The following TBC1D13 variants were observed in gnomAD, a reference collection of about 807,000 sequenced individuals.
TBC1D13 encodes epididymis secretory sperm binding protein.
In TBC1D13, 40 loss-of-function variants were observed where a neutral mutation model predicts 53.6. That is an observed-to-expected ratio of 0.75 (90% confidence interval 0.58 to 0.97). The LOEUF is 0.97. Ranked by LOEUF, TBC1D13 falls within the 50% of genes least tolerant of loss-of-function variation. The pLI, the probability that TBC1D13 is intolerant of heterozygous loss-of-function variation, is 0.00. For synonymous variants in TBC1D13, 182 were observed against 197.7 expected (o/e 0.92, Z 0.67); for missense variants, 377 against 499.4 (o/e 0.75, Z 2.34).
chr9:128,806,086 C>T, intron 10 of TBC1D13, 67 bp downstream of exon 10: 3 of 1,588,304 alleles, frequency 1.9e-6, no homozygotes, highest in Non-Finnish European at 2.6e-6. Flanking sequence ...ACAGGAGGAC[C>T]CTCCGCCCCG....
chr9:128,807,416 C>G (rs1829855911), intron 11 of TBC1D13, among the ~76,000 whole-genome samples: 1 of 152,140 alleles, frequency 6.6e-6, no homozygotes, highest in Admixed American at 6.5e-5. Flanking sequence ...CTTCATGGAC[C>G]AGATCTGGAA....
rs769884911 is a variant in TBC1D13 at position 128,791,704 on chromosome 9, G to A, written c.300+11G>A. 11 of 1,612,336 alleles carry A rather than the reference G, an allele frequency of 6.8e-6. No individual in the cohort carries two copies. The highest frequency in any genetic ancestry group is 8.5e-6 in the Non-Finnish European group (10 of 1,178,554). The stretch of plus-strand genomic sequence containing the variant: ...ACTTTTGAGGACCATGTGAGTAGAG[G>A]TTGACAGCGGAGACCCAGGATACAG... On this transcript the variant is annotated intron_variant, in intron 5 of 11. Transcript: ENST00000372648.
chr9:128,791,027 T>G (rs1468528717), intron 3 of TBC1D13, among the ~76,000 whole-genome samples: 1 of 152,214 alleles, frequency 6.6e-6, no homozygotes, highest in East Asian at 1.9e-4. Context: ...GTGAAAGTCA[T>G]GCTTATTGGG....
At chr9:128,796,252 ATT>A (rs558315205) in intron 6 of TBC1D13, among the ~76,000 whole-genome samples, 5 of 143,184 alleles carry the variant, frequency 3.5e-5, no homozygotes, top group Non-Finnish European at 4.6e-5. Context: ...CGCCTGGCTA[ATT>A]TTTTTTTTTT....
chr9:128,806,125 C>T (rs1829828179), intron 10 of TBC1D13, 106 bp downstream of exon 10: 12 of 1,583,180 alleles, frequency 7.6e-6, no homozygotes, highest in Non-Finnish European at 9.5e-6. Context: ...TCTTTCATGG[C>T]TGGAGTGGGA....
rs1425913074 is a variant in TBC1D13 at position 128,809,573 on chromosome 9, G to C, written c.*1694G>C. 1 of 152,224 alleles carries C rather than the reference G, an allele frequency of 6.6e-6. No individual in the cohort carries two copies. Among genetic ancestry groups the C allele is most frequent in the Non-Finnish European group, 1.5e-5 (1 of 68,046 alleles). The allele number at this position is 152,224 out of a possible 1,614,324, so 9.4% of individuals were successfully genotyped here. A position where few individuals can be genotyped will look rare whatever the true frequency, so the allele number is the denominator to read the frequency against. On this transcript the variant is annotated 3_prime_UTR_variant, in exon 12 of 12. Coordinates refer to ENST00000372648, the MANE Select transcript of TBC1D13 (RefSeq NM_018201.5). Reference sequence around the variant, plus strand: ...TCTCCTCTCCCAGAGCACAGTATTTGGGAGACTTTGACTATTTATTCAGAC... The same window carrying C: ...TCTCCTCTCCCAGAGCACAGTATTTCGGAGACTTTGACTATTTATTCAGAC...
At chr9:128,803,178 G>A in intron 7 of TBC1D13, 72 bp from the exon 8 acceptor site, 2 of 1,421,566 alleles carry the variant, frequency 1.4e-6, no homozygotes, top group Non-Finnish European at 2.0e-6. Context: ...CTCCCAAAGT[G>A]CTGGGATTTC....
chr9:128,791,478 T>A (rs1208413721), intron 4 of TBC1D13, 37 bp downstream of exon 4: 16 of 1,612,822 alleles, frequency 9.9e-6, no homozygotes, highest in Non-Finnish European at 1.2e-5. Flanking sequence ...AGGAGGGCCC[T>A]TGCATGTGAC....
At position 128,805,862 on chromosome 9, in the gene TBC1D13, G is replaced by T; in HGVS notation, c.922G>T (p.Glu308Ter). 1 of 1,613,430 alleles carries T rather than the reference G, an allele frequency of 6.2e-7. No homozygotes were observed. The highest frequency in any genetic ancestry group is 8.5e-7 in the Non-Finnish European group (1 of 1,179,900). ...KDVELYLKLQ[E>*]QNIKPQFFAF... ...ACCCCCCACGCTGTCTCCCCAGCAA[G>T]AGCAGAACATCAAGCCTCAGTTCTT... Residue 308 changes from glutamate (E) to a stop codon, truncating the protein, a stop_gained, in exon 10 of 12, where the codon GAG becomes TAG. Coordinates refer to ENST00000372648, the MANE Select transcript of TBC1D13 (RefSeq NM_018201.5). LOFTEE classifies it high-confidence loss of function.
rs746390949 is a variant in TBC1D13 at position 128,803,316 on chromosome 9, T to G, written c.610T>G (p.Cys204Gly). ...LNEYEVLPNGCEAHWEVVERI... is the reference protein window; with the variant it reads ...LNEYEVLPNGGEAHWEVVERI... Reference sequence around the variant, plus strand: ...TGAGTATGAGGTGCTGCCCAATGGCTGTGAGGCCCACTGGGAGGTGGTGGA... The same window carrying G: ...TGAGTATGAGGTGCTGCCCAATGGCGGTGAGGCCCACTGGGAGGTGGTGGA... The change falls in exon 8 of 12, where the codon TGT becomes GGT. Residue 204 changes from cysteine (C) to glycine (G), a missense_variant. By Grantham distance (159) the Cys-to-Gly change is radical. Transcript: ENST00000372648. The G allele has an allele frequency of 6.2e-7, 1 of 1,614,214 alleles. No homozygotes were observed. Among genetic ancestry groups the G allele is most frequent in the South Asian group, 1.1e-5 (1 of 91,084 alleles).
intron 5 of TBC1D13, among the ~76,000 whole-genome samples, chr9:128,792,076 C>T (rs940200081): frequency 6.6e-6 from 1 of 152,230 alleles, no homozygotes; most frequent in African/African-American, 2.4e-5. Flanking sequence ...AGAAAGAAAT[C>T]GATGGGCCCC....
chr9:128,795,242 G>A (rs1219944865), intron 6 of TBC1D13, among the ~76,000 whole-genome samples: 3 of 146,060 alleles, frequency 2.1e-5, no homozygotes, highest in African/African-American at 5.0e-5. Flanking sequence ...TTTTTGAGGT[G>A]GAGTCTTGCT....
intron 5 of TBC1D13, among the ~76,000 whole-genome samples, chr9:128,792,291 G>A (rs917454856): frequency 2.0e-5 from 3 of 152,208 alleles, no homozygotes; most frequent in Admixed American, 6.5e-5. Flanking sequence ...CTGGGCTCCC[G>A]GCTGTGGAGT....
At chr9:128,805,691 G>A (rs1038961993) in intron 9 of TBC1D13, among the ~76,000 whole-genome samples, 168 bp from the exon 10 acceptor site, 2 of 152,186 alleles carry the variant, frequency 1.3e-5, no homozygotes, top group African/African-American at 4.8e-5. Context: ...AACAGGCTCC[G>A]CCCCTTTACC....
chr9:128,797,087 G>A lies in TBC1D13; in HGVS notation c.416G>A (p.Arg139Lys). ...RLCPDISFFQ[R>K]ATDYPCLLIL... ...TGCCCAGACATTTCCTTCTTCCAGA[G>A]GGCCACTGACTACCCTTGCCTCCTC... Residue 139 changes from arginine to lysine, a missense_variant, in exon 7 of 12, where the codon AGG (arginine) becomes AAG (lysine). Physicochemically the swap from Arg to Lys is conservative, Grantham distance 26. Transcript: ENST00000372648. 6.2e-7 allele frequency: 1 copy of A among 1,614,052 alleles called. No individual in the cohort carries two copies. Among genetic ancestry groups the A allele is most frequent in the African/African-American group, 1.3e-5 (1 of 74,990 alleles).
Position 128,808,026 on chromosome 9 carries a change from C to A in TBC1D13, c.*147C>A. 1 of 714,786 alleles carries A rather than the reference C, an allele frequency of 1.4e-6. No homozygotes were observed. Among genetic ancestry groups the A allele is most frequent in the Non-Finnish European group, 2.4e-6 (1 of 409,818 alleles). 44.3% of individuals were successfully genotyped at this position (714,786 alleles called of 1,614,324 possible). A position where few individuals can be genotyped will look rare whatever the true frequency, so the allele number is the denominator to read the frequency against. On this transcript the variant is annotated 3_prime_UTR_variant, in exon 12 of 12. Transcript: ENST00000372648. ...CCAGGCCATGCCCACTGGGGACACACTGTGCCGTGCTCCTTCTGCCGCCAC... is the reference window on the plus strand; with the variant it reads ...CCAGGCCATGCCCACTGGGGACACAATGTGCCGTGCTCCTTCTGCCGCCAC...
At chr9:128,792,710 G>A (rs571102195) in intron 6 of TBC1D13, 136 bp downstream of exon 6, 1 of 755,734 alleles carries the variant, frequency 1.3e-6, no homozygotes, top group Non-Finnish European at 2.2e-6. Flanking sequence ...CAGCGGTTGG[G>A]TCCAGGCACT....
intron 9 of TBC1D13, among the ~76,000 whole-genome samples, chr9:128,804,720 GTTTTTTTTT>G (rs1170366996): frequency 3.5e-5 from 2 of 56,392 alleles, no homozygotes; most frequent in African/African-American, 8.2e-5. Flanking sequence ...TTTTTTTTCT[GTTTTTTTTT>G]TTTTTTTTTT....
intron 2 of TBC1D13, among the ~76,000 whole-genome samples, chr9:128,789,316 C>CAAA (rs10648259): frequency 0.87 from 72,382 of 83,476 alleles, 31,650 homozygotes; most frequent in Non-Finnish European, 0.91. Context: ...AGCTCCATCT[C>CAAA]AAAAAAAAAA....
Sources: gnomAD v4.1 joint callset for allele counts (sites outside exome capture counted in the v4.1 genomes callset) on GRCh38, gnomAD v4.1.1 for gene constraint, MANE v1.5 for transcripts, NCBI Gene and HGNC (gene_info 2026-07-23, HGNC 2026-07-21) for gene names.